METAP1: variants seen among roughly 807,000 people sequenced by gnomAD.
METAP1 encodes methionine aminopeptidase 1.
In METAP1, 28 loss-of-function variants were observed where a neutral mutation model predicts 53.8. The observed-to-expected ratio is 0.52, with a 90% CI of 0.39 to 0.71. The LOEUF (loss-of-function observed/expected upper bound fraction) is 0.71. Ranked by LOEUF, METAP1 falls within the 30% of genes least tolerant of loss-of-function variation. The probability of loss-of-function intolerance (pLI) is 0.00; values close to 1 mark genes in which losing one functional copy is unlikely to be tolerated. For missense variants in METAP1, 389 were observed against 479.8 expected (o/e 0.81, Z 1.77); for synonymous variants, 181 against 165.7 (o/e 1.09, Z -0.71).
At chr4:98,996,160 G>A (rs1722613882) in intron 1 of METAP1, among the ~76,000 whole-genome samples, 1 of 152,040 alleles carries the variant, frequency 6.6e-6, no homozygotes, top group South Asian at 2.1e-4. Context: ...CTAGACCTCC[G>A]CGTTCTGGGG....
intron 1 of METAP1, among the ~76,000 whole-genome samples, chr4:99,010,743 G>T (rs1723425900): frequency 6.6e-6 from 1 of 152,148 alleles, no homozygotes; most frequent in Admixed American, 6.5e-5. Context: ...CATTGAATCT[G>T]TAAACTGCTT....
At chr4:99,025,136 C>G (rs934971937) in intron 1 of METAP1, among the ~76,000 whole-genome samples, 1 of 152,212 alleles carries the variant, frequency 6.6e-6, no homozygotes, top group Non-Finnish European at 1.5e-5. Context: ...TGGGCTGGTT[C>G]CTAACAGGCC....
intron 4 of METAP1, among the ~76,000 whole-genome samples, chr4:99,037,423 T>A (rs1351481648): frequency 2.0e-5 from 3 of 151,970 alleles, no homozygotes; most frequent in African/African-American, 7.2e-5. Context: ...CTAGCATTTT[T>A]ATGGTTTCAG....
chr4:99,018,316 G>A (rs1723897334), intron 1 of METAP1, among the ~76,000 whole-genome samples: 1 of 152,174 alleles, frequency 6.6e-6, no homozygotes, highest in Non-Finnish European at 1.5e-5. Flanking sequence ...AAATGATTCA[G>A]GAAGTACACA....
chr4:99,015,069 G>T (rs76673879), intron 1 of METAP1, among the ~76,000 whole-genome samples: 2 of 152,084 alleles, frequency 1.3e-5, no homozygotes, highest in South Asian at 2.1e-4. Flanking sequence ...CAAATCCGTC[G>T]CATGTGAAGA....
chr4:99,005,025 G>A (rs1723110793), intron 1 of METAP1, among the ~76,000 whole-genome samples: 1 of 151,970 alleles, frequency 6.6e-6, no homozygotes, highest in South Asian at 2.1e-4. Flanking sequence ...AATTTCTCTT[G>A]GGTATACCCC....
At chr4:98,996,137 TCGCGTGGC>T (rs1185729941) in intron 1 of METAP1, among the ~76,000 whole-genome samples, 1 of 151,898 alleles carries the variant, frequency 6.6e-6, no homozygotes, top group Non-Finnish European at 1.5e-5. Flanking sequence ...CTGTGCGGGG[TCGCGTGGC>T]CGCGCTAGAC....
chr4:99,054,590 A>G (rs896064285), intron 9 of METAP1, among the ~76,000 whole-genome samples: 2 of 152,222 alleles, frequency 1.3e-5, no homozygotes, highest in African/African-American at 4.8e-5. Context: ...TGCATTCACA[A>G]TGTGGCTAAC....
intron 1 of METAP1, 118 bp from the exon 2 acceptor site, chr4:99,028,749 G>C (rs1724767765): frequency 1.6e-6 from 1 of 609,296 alleles, no homozygotes; most frequent in Non-Finnish European, 2.7e-6. Context: ...AATTCGCAAA[G>C]TTACAGGTCT....
rs536353491 is a variant in METAP1 at position 99,023,863 on chromosome 4, A to C, written c.115-5004A>C. On this transcript the variant is annotated intron_variant, in intron 1 of 10. Coordinates refer to ENST00000296411, the MANE Select transcript of METAP1 (RefSeq NM_015143.3). ...CTGATTATCAAGACAAGGGAATTGC[A>C]GTAGAGAAAGAGTTACTTATTCATG... 51 of 824,948 alleles carry C rather than the reference A, an allele frequency of 6.2e-5. No homozygotes were observed. The South Asian group carries it at 2.5e-3, about 40-fold the overall frequency. 51.1% of individuals were successfully genotyped at this position (824,948 alleles called of 1,614,324 possible).
At chr4:99,025,405 T>C in intron 1 of METAP1, 1 of 985,438 alleles carries the variant, frequency 1.0e-6, no homozygotes, top group Non-Finnish European at 1.2e-6. Context: ...TGAGAGCACC[T>C]TCTCTTAACT....
At chr4:99,044,064 C>T (rs1213127933) in intron 7 of METAP1, among the ~76,000 whole-genome samples, 2 of 152,110 alleles carry the variant, frequency 1.3e-5, no homozygotes, top group Admixed American at 6.6e-5. Context: ...GTAGATGAGA[C>T]TGCAGGCTCA....
At chr4:99,037,118 C>A (rs1725475098) in intron 4 of METAP1, among the ~76,000 whole-genome samples, 1 of 151,776 alleles carries the variant, frequency 6.6e-6, no homozygotes, top group African/African-American at 2.4e-5. Context: ...ATTTTCTTCC[C>A]TTTTGAAATG....
At chr4:99,010,992 A>C (rs1035907866) in intron 1 of METAP1, among the ~76,000 whole-genome samples, 1 of 151,708 alleles carries the variant, frequency 6.6e-6, no homozygotes, top group African/African-American at 2.4e-5. Context: ...ATAGAAATGC[A>C]ACTGATTTTT....
chr4:99,039,534 T>C (rs1182433184), intron 5 of METAP1, 69 bp downstream of exon 5: 15 of 920,066 alleles, frequency 1.6e-5, no homozygotes, highest in Non-Finnish European at 2.6e-5. Flanking sequence ...GTCAGTGGTT[T>C]GCTGATTTAT....
At chr4:99,034,952 T>G (rs1469400886) in intron 3 of METAP1, among the ~76,000 whole-genome samples, 1 of 152,218 alleles carries the variant, frequency 6.6e-6, no homozygotes, top group Non-Finnish European at 1.5e-5. Context: ...AATATTTAAA[T>G]TCTCTTTACT....
chr4:99,022,801 C>T, intron 1 of METAP1: 1 of 1,596,546 alleles, frequency 6.3e-7, no homozygotes, highest in Non-Finnish European at 8.5e-7. Flanking sequence ...TGTCACGGAA[C>T]TCCACCCATC....
intron 1 of METAP1, among the ~76,000 whole-genome samples, chr4:99,010,608 T>C (rs1723419394): frequency 6.6e-6 from 1 of 152,242 alleles, no homozygotes. Flanking sequence ...TCAGGAAGTG[T>C]GAGTCTTCCA....
intron 1 of METAP1, among the ~76,000 whole-genome samples, chr4:99,015,037 G>T (rs946169079): frequency 6.6e-5 from 10 of 152,190 alleles, no homozygotes; most frequent in Non-Finnish European, 1.2e-4. Flanking sequence ...GTAGAATCTT[G>T]AAAGAGAGCT....
Sources: gnomAD v4.1 joint callset for allele counts (sites outside exome capture counted in the v4.1 genomes callset) on GRCh38, gnomAD v4.1.1 for gene constraint, MANE v1.5 for transcripts, NCBI Gene and HGNC (gene_info 2026-07-23, HGNC 2026-07-21) for gene names.